Variants in MED13L observed in about 807,000 individuals in gnomAD.
MED13L encodes mediator complex subunit 13L, also known as mediator of RNA polymerase II transcription subunit 13-like.
Under a neutral mutation model 220.9 loss-of-function variants are expected in MED13L, and 7 were observed. The observed-to-expected ratio is 0.03, with a 90% CI of 0.02 to 0.06. The LOEUF is 0.06. MED13L is among the 10% of genes least tolerant of loss of function. The pLI is 1.00. For synonymous variants in MED13L, 1,011 were observed against 1,015.2 expected (o/e 1.00, Z 0.08); for missense variants, 1,965 against 2,760.5 (o/e 0.71, Z 6.46).
At chr12:116,115,957 G>A (rs1593062084) in intron 2 of MED13L, among the ~76,000 whole-genome samples, 1 of 152,198 alleles carries the variant, frequency 6.6e-6, no homozygotes, top group African/African-American at 2.4e-5. Flanking sequence ...TGCCTTTGGC[G>A]ATATTTTGTA....
At chr12:116,200,074 C>T (rs1316753521) in intron 2 of MED13L, among the ~76,000 whole-genome samples, 10 of 66,824 alleles carry the variant, frequency 1.5e-4, no homozygotes, top group Non-Finnish European at 2.7e-4. Context: ...CAGGAGGATG[C>T]TTTTCAAAAA....
At chr12:116,170,280 C>T (rs898156142) in intron 2 of MED13L, among the ~76,000 whole-genome samples, 8 of 152,278 alleles carry the variant, frequency 5.3e-5, no homozygotes, top group South Asian at 2.1e-4. Context: ...TTTCCCAAAA[C>T]TCTCATTTTT....
chr12:116,049,244 T>G (rs1183204602), intron 4 of MED13L, among the ~76,000 whole-genome samples: 1 of 152,210 alleles, frequency 6.6e-6, no homozygotes, highest in African/African-American at 2.4e-5. Context: ...AGTTTTGAAG[T>G]CAGGCTTATT....
At chr12:116,091,342 C>G (rs1420390676) in intron 4 of MED13L, among the ~76,000 whole-genome samples, 1 of 151,862 alleles carries the variant, frequency 6.6e-6, no homozygotes, top group African/African-American at 2.4e-5. Flanking sequence ...TAAAAACTAA[C>G]AGTCATAACT....
At position 116,144,673 on chromosome 12, in the gene MED13L, C is replaced by G. The variant is rs192067269; in HGVS notation, c.311-33161G>C. 2.2e-4 allele frequency among the ~76,000 whole-genome samples: 33 copies of G among 152,228 alleles called. No individual in the cohort carries two copies. The East Asian group carries it at 5.6e-3, about 26-fold the overall frequency. On this transcript the variant is annotated intron_variant, in intron 2 of 30. Transcript: ENST00000281928. The stretch of plus-strand genomic sequence containing the variant: ...TTTTTAAAGATTAACTGAGATAACA[C>G]GTAAAGGTGCTTAAAATAGTGTCTC...
intron 25 of MED13L, among the ~76,000 whole-genome samples, chr12:115,974,634 T>C (rs1322292270): frequency 6.6e-6 from 1 of 152,196 alleles, no homozygotes; most frequent in Non-Finnish European, 1.5e-5. Context: ...AAATCTGCTC[T>C]TGTAAGCTTC....
chr12:116,197,200 C>A (rs998576038), intron 2 of MED13L, among the ~76,000 whole-genome samples: 2 of 152,162 alleles, frequency 1.3e-5, no homozygotes, highest in Non-Finnish European at 2.9e-5. Context: ...AGCCTAACTG[C>A]AAAGATGAAA....
At position 115,983,427 on chromosome 12, in the gene MED13L, C is replaced by G. The variant is rs770276482; in HGVS notation, c.4645G>C (p.Ala1549Pro). Residue 1549 changes from alanine to proline, a missense_variant, in exon 21 of 31, where the codon GCT becomes CCT. By Grantham distance (27) the Ala-to-Pro change is conservative (BLOSUM62 -1). Around this residue, in one of 10 missense-constraint regions of MED13L, gnomAD observed 510 missense variants for 620.4 expected, o/e 0.82. Coordinates refer to ENST00000281928, the MANE Select transcript of MED13L (RefSeq NM_015335.5). ...QATPGNAGPL[A>P]PNGSAAPPAG... ...GGGGGAGCTGCTGATCCATTTGGAG[C>G]TAAGGGCCCAGCATTCCCTGGCGTA... is the stretch of plus-strand genomic sequence containing the variant. The G allele has an allele frequency of 6.2e-7, 1 of 1,614,192 alleles. No homozygotes were observed. Among genetic ancestry groups the G allele is most frequent in the Non-Finnish European group, 8.5e-7 (1 of 1,180,014 alleles).
Position 115,982,997 on chromosome 12 carries a change from G to A in MED13L, c.4955+120C>T. On this transcript the variant is annotated intron_variant, in intron 21 of 30. Transcript: ENST00000281928. ...GACCATTGCCCCTTTCTTTTGAGAA[G>A]AGAAATAGAGCACTTCATAGGATTC... 8.1e-6 allele frequency: 9 copies of A among 1,109,692 alleles called. No individual in the cohort carries two copies. The South Asian group carries it at 9.9e-5, about 12-fold the overall frequency. 68.7% of individuals were successfully genotyped at this position (1,109,692 alleles called of 1,614,324 possible). A position where few individuals can be genotyped will look rare whatever the true frequency, so the allele number is the denominator to read the frequency against.
At chr12:115,975,983 T>C (rs776653564) in intron 23 of MED13L, among the ~76,000 whole-genome samples, 2 of 152,208 alleles carry the variant, frequency 1.3e-5, no homozygotes, top group Non-Finnish European at 2.9e-5. Flanking sequence ...ATTACTATTT[T>C]AGAAACTGCA....
chr12:115,981,089 A>T (rs1877296989), intron 22 of MED13L, 151 bp from the exon 23 acceptor site: 1 of 661,410 alleles, frequency 1.5e-6, no homozygotes, highest in East Asian at 2.7e-5. Flanking sequence ...TCTGTGCCAC[A>T]CATAATATAA....
At chr12:116,111,709 T>C (rs1593057350) in intron 2 of MED13L, among the ~76,000 whole-genome samples, 197 bp from the exon 3 acceptor site, 1 of 152,260 alleles carries the variant, frequency 6.6e-6, no homozygotes. Flanking sequence ...AAAAAAGTAA[T>C]GTGTCTTGGT....
intron 4 of MED13L, among the ~76,000 whole-genome samples, chr12:116,086,771 A>G (rs911917421): frequency 2.6e-5 from 4 of 152,166 alleles, no homozygotes; most frequent in African/African-American, 9.7e-5. Context: ...AAATAGTCAT[A>G]TTGTTATAAT....
intron 2 of MED13L, among the ~76,000 whole-genome samples, chr12:116,229,385 G>A (rs557523145): frequency 3.3e-5 from 5 of 152,174 alleles, no homozygotes; most frequent in East Asian, 1.9e-4. Context: ...TCATATCAAC[G>A]CAAAACATTA....
At chr12:116,024,773 C>CGGGGGGGGGG (rs796599611) in intron 4 of MED13L, among the ~76,000 whole-genome samples, 5 of 5,092 alleles carry the variant, frequency 9.8e-4, no homozygotes, top group Admixed American at 2.7e-3. Context: ...TTTGGCGGGG[C>CGGGGGGGGGG]GGGGGGGGGG....
chr12:115,982,732 C>T, intron 21 of MED13L, 129 bp from the exon 22 acceptor site: 1 of 893,184 alleles, frequency 1.1e-6, no homozygotes, highest in Middle Eastern at 3.1e-4. Context: ...GTAAGAGTAA[C>T]ATTTATCACC....
At chr12:116,119,900 G>A (rs1353192951) in intron 2 of MED13L, among the ~76,000 whole-genome samples, 1 of 121,176 alleles carries the variant, frequency 8.3e-6, no homozygotes, top group African/African-American at 3.3e-5. Context: ...GAAGTCTTAA[G>A]AATTTGTAGT....
chr12:115,973,861 T>C (rs1407044353), intron 25 of MED13L, among the ~76,000 whole-genome samples: 1 of 152,178 alleles, frequency 6.6e-6, no homozygotes, highest in East Asian at 1.9e-4. Context: ...AAAGAAAACA[T>C]TTACTTAATA....
At chr12:116,173,086 G>A in intron 2 of MED13L, among the ~76,000 whole-genome samples, 1 of 148,782 alleles carries the variant, frequency 6.7e-6, no homozygotes. Context: ...CAAGTGCATG[G>A]CACACTAGAA....
Sources: allele counts gnomAD v4.1 joint callset (sites outside exome capture counted in the v4.1 genomes callset), GRCh38; gene constraint gnomAD v4.1.1; regional missense constraint gnomAD v4.1.1; transcripts MANE v1.5; gene names NCBI Gene and HGNC (gene_info 2026-07-23, HGNC 2026-07-21).